The following DCC variants were observed in gnomAD, a reference collection of about 807,000 sequenced individuals.
The protein encoded by DCC is DCC netrin 1 receptor.
In DCC, 58 loss-of-function variants were observed where a neutral mutation model predicts 172.5. The observed-to-expected ratio is 0.34, with a 90% confidence interval of 0.27 to 0.42. The LOEUF is 0.42. Among genes scored for constraint, DCC ranks in the 10% least tolerant of loss-of-function variants. DCC has a pLI of 1.00. For synonymous variants in DCC, 709 were observed against 644.5 expected (o/e 1.10, Z -1.52); for missense variants, 1,740 against 1,791.0 (o/e 0.97, Z 0.51).
intron 3 of DCC, 114 bp downstream of exon 3, chr18:52,906,442 C>A: frequency 1.8e-6 from 2 of 1,095,252 alleles, no homozygotes; most frequent in Non-Finnish European, 2.7e-6. Context: ...TTGTTCATTG[C>A]GTTTTGTTTA....
chr18:52,427,080 G>A (rs952838621), intron 1 of DCC, among the ~76,000 whole-genome samples: 4 of 152,200 alleles, frequency 2.6e-5, no homozygotes, highest in African/African-American at 9.6e-5. Context: ...AGTAAGTACT[G>A]TAATCCAGAT....
intron 2 of DCC, among the ~76,000 whole-genome samples, chr18:52,819,592 G>T (rs1208580480): frequency 2.0e-5 from 3 of 152,140 alleles, no homozygotes; most frequent in Admixed American, 6.5e-5. Context: ...TTTGAAAAAA[G>T]ATAAAAGACC....
chr18:52,753,141 T>A (rs936604390), intron 2 of DCC, among the ~76,000 whole-genome samples: 10 of 152,190 alleles, frequency 6.6e-5, no homozygotes, highest in African/African-American at 2.4e-4. Context: ...TATATACCCA[T>A]AAGTAGGATT....
chr18:53,407,147 A>G (rs1317902733), intron 19 of DCC, among the ~76,000 whole-genome samples: 2 of 152,180 alleles, frequency 1.3e-5, no homozygotes, highest in Non-Finnish European at 2.9e-5. Flanking sequence ...CTGATAAATG[A>G]GGAGACTCGG....
At chr18:52,487,810 CAAAAAAAAA>C (rs5824940) in intron 1 of DCC, among the ~76,000 whole-genome samples, 4 of 74,400 alleles carry the variant, frequency 5.4e-5, no homozygotes, top group South Asian at 7.5e-4. Context: ...GACTCCACCT[CAAAAAAAAA>C]AAAAAAAAAA....
At chr18:52,541,661 T>A (rs185777419) in intron 1 of DCC, among the ~76,000 whole-genome samples, 41 of 152,134 alleles carry the variant, frequency 2.7e-4, no homozygotes, top group African/African-American at 8.9e-4. Context: ...CGTGGAGAAC[T>A]TCCCCTGGAC....
intron 15 of DCC, among the ~76,000 whole-genome samples, chr18:53,340,533 C>T (rs550152616): frequency 7.2e-5 from 11 of 152,228 alleles, no homozygotes; most frequent in African/African-American, 2.6e-4. Context: ...GTACTCAACT[C>T]AACCTCATTT....
chr18:53,226,948 A>ATATATATATATATTTTTT, intron 12 of DCC, among the ~76,000 whole-genome samples: 10 of 52,948 alleles, frequency 1.9e-4, no homozygotes, highest in African/African-American at 6.6e-4. Context: ...ATATATATAT[A>ATATATATATATATTTTTT]TTTTTTTTTT....
chr18:52,462,215 C>T (rs1047928072), intron 1 of DCC, among the ~76,000 whole-genome samples: 2 of 152,136 alleles, frequency 1.3e-5, no homozygotes, highest in Admixed American at 6.5e-5. Flanking sequence ...TGGCTTCTAC[C>T]TTTGGCCCAC....
intron 1 of DCC, among the ~76,000 whole-genome samples, chr18:52,536,799 T>C (rs1283529737): frequency 6.6e-6 from 1 of 152,206 alleles, no homozygotes; most frequent in Non-Finnish European, 1.5e-5. Flanking sequence ...CTTTCAATAT[T>C]TTTATGCAAG....
chr18:52,666,548 A>G (rs1301510155), intron 1 of DCC, among the ~76,000 whole-genome samples: 1 of 152,242 alleles, frequency 6.6e-6, no homozygotes, highest in Non-Finnish European at 1.5e-5. Flanking sequence ...CTACAGAGAG[A>G]AAAATATTTA....
chr18:53,494,725 C>T (rs1440096932), intron 26 of DCC, among the ~76,000 whole-genome samples: 1 of 152,168 alleles, frequency 6.6e-6, no homozygotes, highest in Non-Finnish European at 1.5e-5. Flanking sequence ...AGATGGGTCT[C>T]CTGAATACAG....
At chr18:53,266,405 T>C (rs1467733466) in intron 12 of DCC, among the ~76,000 whole-genome samples, 1 of 152,188 alleles carries the variant, frequency 6.6e-6, no homozygotes, top group Non-Finnish European at 1.5e-5. Context: ...ATTTTTGTTA[T>C]TTGATTTTGC....
intron 19 of DCC, among the ~76,000 whole-genome samples, chr18:53,407,497 C>T (rs1291275949): frequency 7.9e-6 from 1 of 126,926 alleles, no homozygotes; most frequent in Non-Finnish European, 1.7e-5. Flanking sequence ...TATTTAGCTG[C>T]ATATATATAT....
At chr18:52,376,837 C>A (rs1038074956) in intron 1 of DCC, among the ~76,000 whole-genome samples, 7 of 152,104 alleles carry the variant, frequency 4.6e-5, no homozygotes, top group Non-Finnish European at 8.8e-5. Flanking sequence ...AGCAAAACAA[C>A]ATTCAAAGAC....
At chr18:53,426,347 A>C (rs1157806792) in intron 21 of DCC, among the ~76,000 whole-genome samples, 3 of 144,634 alleles carry the variant, frequency 2.1e-5, no homozygotes, top group Non-Finnish European at 3.0e-5. Flanking sequence ...ATATATTTAT[A>C]ATATATTTTA....
intron 1 of DCC, among the ~76,000 whole-genome samples, chr18:52,607,717 TAAG>T (rs2144830178): frequency 6.6e-6 from 1 of 152,280 alleles, no homozygotes; most frequent in South Asian, 2.1e-4. Flanking sequence ...ATCCATCTCT[TAAG>T]AAGTTTAAAA....
intron 8 of DCC, among the ~76,000 whole-genome samples, chr18:53,175,883 C>T (rs1201309822): frequency 6.6e-6 from 1 of 152,080 alleles, no homozygotes; most frequent in Non-Finnish European, 1.5e-5. Flanking sequence ...AATCCTAAGC[C>T]AAAAGAACAA....
chr18:52,955,005 C>A (rs1444173734), intron 5 of DCC, among the ~76,000 whole-genome samples: 2 of 152,096 alleles, frequency 1.3e-5, no homozygotes, highest in Non-Finnish European at 2.9e-5. Flanking sequence ...TATGACCATC[C>A]CACGCCTCAA....
Sources: gnomAD v4.1 joint callset for allele counts (sites outside exome capture counted in the v4.1 genomes callset) on GRCh38, gnomAD v4.1.1 for gene constraint, MANE v1.5 for transcripts, NCBI Gene and HGNC (gene_info 2026-07-23, HGNC 2026-07-21) for gene names.